Variants in IQANK1 observed in about 807,000 individuals in gnomAD.
IQANK1 encodes IQ motif and ankyrin repeat containing 1.
IQANK1 carries 30 observed loss-of-function variants against 22.6 expected under a neutral mutation model. The observed-to-expected ratio is 1.33, with a 90% CI of 0.99 to 1.80. The LOEUF (loss-of-function observed/expected upper bound fraction) is 1.80, where lower values mean the gene tolerates loss of function less well. Among genes scored for constraint, IQANK1 ranks in the 40% most tolerant of loss-of-function variants. The pLI is 0.00. For synonymous variants in IQANK1, 122 were observed against 99.6 expected (o/e 1.23, Z -1.34); for missense variants, 275 against 235.2 (o/e 1.17, Z -1.11).
rs1468105068 is a variant in IQANK1, at chr8:143,758,740, A to G, written c.176-12748A>G. 6.6e-6 allele frequency: 1 copy of G among 152,552 alleles called. No individual in the cohort carries two copies. The highest frequency in any genetic ancestry group is 1.9e-4 in the East Asian group (1 of 5,202). 9.4% of individuals were successfully genotyped at this position (152,552 alleles called of 1,614,324 possible). A position where few individuals can be genotyped will look rare whatever the true frequency, so the allele number is the denominator to read the frequency against. ...GGTCCCTGTGCAGGTCCCAGCGTCC[A>G]GTCCTCCAAGAACCAGCACTGCCGG... On this transcript the variant is annotated intron_variant, in intron 3 of 13. Transcript: ENST00000527139. The surrounding 1 kb of genome is among the most constrained non-coding windows in gnomAD (Gnocchi z 4.2).
chr8:143,760,281 C>T (rs532572904), intron 3 of IQANK1: 14 of 152,352 alleles, frequency 9.2e-5, no homozygotes, highest in African/African-American at 3.4e-4. Flanking sequence ...ATCAGTTGCA[C>T]AACTGTGTCT....
At chr8:143,778,073 T>TA (rs1265723176) in intron 7 of IQANK1, among the ~76,000 whole-genome samples, 1 of 152,086 alleles carries the variant, frequency 6.6e-6, no homozygotes, top group Non-Finnish European at 1.5e-5. Flanking sequence ...CGGGCGCCTG[T>TA]AGTCCCAGCT....
intron 7 of IQANK1, among the ~76,000 whole-genome samples, chr8:143,777,743 A>G (rs1358719638): frequency 6.6e-6 from 1 of 152,140 alleles, no homozygotes; most frequent in Non-Finnish European, 1.5e-5. Context: ...CAAAAGAGAT[A>G]AAATGGAATT....
chr8:143,739,071 G>T (rs1385074046), intron 2 of IQANK1, among the ~76,000 whole-genome samples: 2 of 152,246 alleles, frequency 1.3e-5, no homozygotes, highest in African/African-American at 2.4e-5. Context: ...TGGCGGTCAT[G>T]GAGGTGGGGC....
At chr8:143,777,105 G>A (rs1288388090) in intron 7 of IQANK1, among the ~76,000 whole-genome samples, 2 of 151,984 alleles carry the variant, frequency 1.3e-5, no homozygotes, top group Non-Finnish European at 2.9e-5. Flanking sequence ...CAGCCTGGGC[G>A]ACAGAGCAAG....
intron 3 of IQANK1, among the ~76,000 whole-genome samples, chr8:143,754,440 C>T (rs1819251445): frequency 6.6e-6 from 1 of 152,106 alleles, no homozygotes; most frequent in Non-Finnish European, 1.5e-5. Flanking sequence ...GAAGGATGCG[C>T]CTGCAAGCTC....
At chr8:143,784,548 G>A (rs1819852483) in intron 7 of IQANK1, among the ~76,000 whole-genome samples, 1 of 152,190 alleles carries the variant, frequency 6.6e-6, no homozygotes, top group Non-Finnish European at 1.5e-5. Flanking sequence ...CAGATGTGCT[G>A]TGGAACATGC....
chr8:143,772,799 T>G (rs1456783892), intron 7 of IQANK1, among the ~76,000 whole-genome samples: 1 of 152,258 alleles, frequency 6.6e-6, no homozygotes, highest in Non-Finnish European at 1.5e-5. Context: ...TTGTGTCATT[T>G]CCTTCCGTGC....
chr8:143,757,122 T>C (rs558671562), intron 3 of IQANK1, among the ~76,000 whole-genome samples: 31 of 152,328 alleles, frequency 2.0e-4, no homozygotes, highest in African/African-American at 6.3e-4. Flanking sequence ...CACTGATCTA[T>C]TGGGACACAA....
Position 143,771,817 on chromosome 8 carries a change from T to C in IQANK1, c.323T>C (p.Val108Ala). Residue 108 changes from valine (V) to alanine (A), a missense_variant, in exon 5 of 14, where the codon GTG becomes GCG. By Grantham distance (64) the Val-to-Ala change is moderately conservative. Coordinates refer to ENST00000527139, the MANE Select transcript of IQANK1 (RefSeq NM_001381874.1). The surrounding 1 kb of genome is among the most constrained non-coding windows in gnomAD (Gnocchi z 6.0). ...GCCTCCCAGGCCTACCTGGCTCCGG[T>C]GCGCCGGGAGCAGGAGGCCGCGCGG... is the stretch of plus-strand genomic sequence containing the variant. Reference protein sequence around the residue: ...TPQKEAYLAPVRREQEAARRL... With the variant: ...TPQKEAYLAPARREQEAARRL... The C allele has an allele frequency of 2.5e-6, 1 of 395,678 alleles. No individual in the cohort carries two copies. Among genetic ancestry groups the C allele is most frequent in the Non-Finnish European group, 4.5e-6 (1 of 224,436 alleles). The allele number at this position is 395,678 out of a possible 1,614,324, so 24.5% of individuals were successfully genotyped here. A position where few individuals can be genotyped will look rare whatever the true frequency, so the allele number is the denominator to read the frequency against.
At chr8:143,736,827 C>T (rs995993049) in intron 2 of IQANK1, among the ~76,000 whole-genome samples, 6 of 152,070 alleles carry the variant, frequency 3.9e-5, no homozygotes, top group Admixed American at 1.3e-4. Flanking sequence ...TTGTCACTCC[C>T]TTGCTCCAGC....
At chr8:143,756,087 G>C (rs1431266039) in intron 3 of IQANK1, among the ~76,000 whole-genome samples, 1 of 152,156 alleles carries the variant, frequency 6.6e-6, no homozygotes, top group Admixed American at 6.5e-5. Context: ...ATTTGCAAAG[G>C]TGCACAACAT....
At chr8:143,743,081 C>A (rs781918351) in intron 3 of IQANK1, 63 of 455,048 alleles carry the variant, frequency 1.4e-4, no homozygotes, top group African/African-American at 1.2e-3. Flanking sequence ...GCAGCCACCA[C>A]ATCTACCAGC....
intron 3 of IQANK1, among the ~76,000 whole-genome samples, chr8:143,750,380 A>G (rs1819166446): frequency 6.6e-6 from 1 of 152,044 alleles, no homozygotes; most frequent in African/African-American, 2.4e-5. Context: ...TTCTATTTGC[A>G]TGGAATATCT....
intron 7 of IQANK1, among the ~76,000 whole-genome samples, chr8:143,773,136 A>T (rs1018302075): frequency 6.6e-6 from 1 of 152,132 alleles, no homozygotes; most frequent in Non-Finnish European, 1.5e-5. Context: ...GTGAAACACC[A>T]TCTCTACTGA....
At chr8:143,782,139 C>G (rs1208023671) in intron 7 of IQANK1, among the ~76,000 whole-genome samples, 1 of 152,116 alleles carries the variant, frequency 6.6e-6, no homozygotes. Context: ...TATAGGGATG[C>G]TAGTGATTTT....
intron 7 of IQANK1, among the ~76,000 whole-genome samples, chr8:143,780,580 G>A (rs1554630843): frequency 1.3e-5 from 2 of 152,152 alleles, no homozygotes; most frequent in African/African-American, 4.8e-5. Context: ...GTGGTGTTTG[G>A]TTTTCTGTTC....
rs562731147 is a variant in IQANK1 at position 143,771,340 on chromosome 8, C to T, written c.176-148C>T. ...CTCGTGCGGCCTCTGCGGGCGGGAA[C>T]CCCGGCTCGGCCGCGCTGGGGGCTT... On this transcript the variant is annotated intron_variant, in intron 3 of 13. Coordinates refer to ENST00000527139, the MANE Select transcript of IQANK1 (RefSeq NM_001381874.1). This position sits in a 1 kb window ranked among gnomAD's most constrained non-coding sequence, Gnocchi z 6.0. 5.1e-6 allele frequency: 2 copies of T among 390,718 alleles called. No homozygotes were observed. Among genetic ancestry groups the T allele is most frequent in the East Asian group, 3.6e-5 (1 of 27,554 alleles). The allele number at this position is 390,718 out of a possible 1,614,324, so 24.2% of individuals were successfully genotyped here.
chr8:143,785,964 A>G (rs1319292749), intron 7 of IQANK1, among the ~76,000 whole-genome samples: 1 of 152,072 alleles, frequency 6.6e-6, no homozygotes, highest in Non-Finnish European at 1.5e-5. Flanking sequence ...TGACCTTGTG[A>G]TCTGCCTGCC....
Sources: gnomAD v4.1 joint callset for allele counts (sites outside exome capture counted in the v4.1 genomes callset) on GRCh38, gnomAD v4.1.1 for gene constraint, Gnocchi (gnomAD v3.1) non-coding constraint, MANE v1.5 for transcripts, NCBI Gene and HGNC (gene_info 2026-07-23, HGNC 2026-07-21) for gene names.